The following CNTROB variants were observed in gnomAD, a reference collection of about 807,000 sequenced individuals.
The protein encoded by CNTROB is centrobin.
In CNTROB, 82 loss-of-function variants were observed where a neutral mutation model predicts 115.7. The ratio of observed to expected loss-of-function variants is 0.71; its 90% confidence interval spans 0.59 to 0.85. The LOEUF (loss-of-function observed/expected upper bound fraction) is 0.85. Among genes scored for constraint, CNTROB ranks in the 40% least tolerant of loss-of-function variants. The probability of loss-of-function intolerance (pLI) is 0.00; values close to 1 mark genes in which losing one functional copy is unlikely to be tolerated. For synonymous variants in CNTROB, 439 were observed against 456.4 expected, an observed-to-expected ratio of 0.96 and a Z score of 0.49; for missense variants, 1,014 against 1,144.4, an observed-to-expected ratio of 0.89 and a Z score of 1.64.
chr17:7,949,194 G>A (rs533339892), intron 18 of CNTROB, 37 bp downstream of exon 18: 3 of 1,599,898 alleles, frequency 1.9e-6, no homozygotes, highest in Non-Finnish European at 2.6e-6. Context: ...GGGAGAAAAG[G>A]GCTCTCACTG....
At position 7,944,089 on chromosome 17, in the gene CNTROB, G is replaced by T. The variant is rs769332903; in HGVS notation, c.1446-34G>T. ...CAGTTGGTCACTTCTTCTGTCTCCA[G>T]TCTCAGGCCTCTTCTCCTACCTGTG... is the stretch of plus-strand genomic sequence containing the variant. On this transcript the variant is annotated intron_variant, in intron 10 of 18. Transcript: ENST00000563694. The surrounding 1 kb of genome is among the most constrained non-coding windows in gnomAD (Gnocchi z 4.0). 6.4e-7 allele frequency: 1 copy of T among 1,572,124 alleles called. No individual in the cohort carries two copies. The highest frequency in any genetic ancestry group is 2.2e-5 in the East Asian group (1 of 44,618).
intron 13 of CNTROB, among the ~76,000 whole-genome samples, chr17:7,947,291 C>T (rs889552589): frequency 6.6e-6 from 1 of 152,100 alleles, no homozygotes; most frequent in Admixed American, 6.5e-5. Context: ...TTCCATTCTT[C>T]AGGGAGTTTG....
rs1436847429 is a variant in CNTROB at position 7,943,570 on chromosome 17, A to T, written c.1445+46A>T. 1 of 1,581,318 alleles carries T rather than the reference A, an allele frequency of 6.3e-7. No homozygotes were observed. Among genetic ancestry groups the T allele is most frequent in the Non-Finnish European group, 8.6e-7 (1 of 1,158,664 alleles). ...GTCACTTCTCTCAGCCACAGCACGT[A>T]TCGTTAGTGCCAGGCCTGTGTTCCC... On this transcript the variant is annotated intron_variant, in intron 10 of 18. Coordinates refer to ENST00000563694, the MANE Select transcript of CNTROB (RefSeq NM_053051.5). This position sits in a 1 kb window ranked among gnomAD's most constrained non-coding sequence, Gnocchi z 4.7.
rs374416848 is a variant in CNTROB at position 7,945,717 on chromosome 17, C to G, written c.1735-11C>G. On this transcript the variant is annotated splice_polypyrimidine_tract_variant and intron_variant, in intron 12 of 18. Coordinates refer to ENST00000563694, the MANE Select transcript of CNTROB (RefSeq NM_053051.5). ...TGCTTTGACCCTTCTTTCTGCCTCTCTCCTGGTCAGGCTCCTCCTGCTGGA... is the reference window on the plus strand; with the variant it reads ...TGCTTTGACCCTTCTTTCTGCCTCTGTCCTGGTCAGGCTCCTCCTGCTGGA... The G allele has an allele frequency of 1.7e-5, 28 of 1,612,704 alleles. 1 individual carries two copies. The highest frequency in any genetic ancestry group is 1.8e-5 in the Non-Finnish European group (21 of 1,179,216).
rs986235639 is a variant in CNTROB, at chr17:7,939,412, T to C, written c.928-101T>C. 1 of 987,808 alleles carries C rather than the reference T, an allele frequency of 1.0e-6. No individual in the cohort carries two copies. The highest frequency in any genetic ancestry group is 2.1e-5 in the Admixed American group (1 of 48,546). 61.2% of individuals were successfully genotyped at this position (987,808 alleles called of 1,614,324 possible). On this transcript the variant is annotated intron_variant, in intron 7 of 18. Transcript: ENST00000563694. The surrounding 1 kb of genome is among the most constrained non-coding windows in gnomAD (Gnocchi z 4.4). ...CCCGGCCTAATTATTGTGTTTTTAA[T>C]GAGCATAATTCTCAGCAGGCACCTT...
In CNTROB at chr17:7,948,512, G is replaced by A; in HGVS notation, c.2406G>A (p.Arg802=). 1 of 1,614,078 alleles carries A rather than the reference G, an allele frequency of 6.2e-7. No homozygotes were observed. The highest frequency in any genetic ancestry group is 1.1e-5 in the South Asian group (1 of 91,088). Residue 802 remains arginine (R), a synonymous_variant, in exon 17 of 19, where the codon AGG becomes AGA. Transcript: ENST00000563694. The surrounding 1 kb of genome is among the most constrained non-coding windows in gnomAD (Gnocchi z 4.4). ...ERGGDGLTFP[R]QLMEVSQLLR... ...GTGGAGATGGGCTTACATTCCCAAG[G>A]CAGCTGATGGAGGTGTCTCAACTGT...
chr17:7,939,440 A>G lies in CNTROB; in HGVS notation c.928-73A>G, dbSNP rs1598079696. Reference sequence around the variant, plus strand: ...GCATAATTCTCAGCAGGCACCTTGTATGAGGGTCAGAGGGCAGATCGCTGG... The same window carrying G: ...GCATAATTCTCAGCAGGCACCTTGTGTGAGGGTCAGAGGGCAGATCGCTGG... On this transcript the variant is annotated intron_variant, in intron 7 of 18. Transcript: ENST00000563694. This position sits in a 1 kb window ranked among gnomAD's most constrained non-coding sequence, Gnocchi z 4.4. 3 of 1,253,456 alleles carry G rather than the reference A, an allele frequency of 2.4e-6. No individual in the cohort carries two copies. The highest frequency in any genetic ancestry group is 2.3e-5 in the East Asian group (1 of 42,944). 77.6% of individuals were successfully genotyped at this position (1,253,456 alleles called of 1,614,324 possible).
intron 9 of CNTROB, among the ~76,000 whole-genome samples, chr17:7,941,881 T>C (rs183537677): frequency 8.6e-4 from 130 of 151,360 alleles, no homozygotes; most frequent in Middle Eastern, 3.4e-3. Context: ...GAGGATCAAC[T>C]GAACCCTGGA....
At chr17:7,936,920 C>T (rs1973251017) in intron 6 of CNTROB, 103 bp downstream of exon 6, 11 of 772,984 alleles carry the variant, frequency 1.4e-5, no homozygotes, top group Non-Finnish European at 2.6e-5. Flanking sequence ...AGATTGACCT[C>T]AGTCTTGTAG....
intron 9 of CNTROB, among the ~76,000 whole-genome samples, chr17:7,941,797 G>A (rs1598089921): frequency 2.0e-5 from 3 of 151,256 alleles, no homozygotes; most frequent in South Asian, 2.1e-4. Flanking sequence ...CCTAAACTCT[G>A]CTAAAAATAC....
At position 7,939,655 on chromosome 17, in the gene CNTROB, A is replaced by G. The variant is rs761115592; in HGVS notation, c.1070A>G (p.Glu357Gly). 16 of 1,614,024 alleles carry G rather than the reference A, an allele frequency of 9.9e-6. No homozygotes were observed. The South Asian group carries it at 1.6e-4, about 17-fold the overall frequency. ...GAGACTCTTCGGGCTGCCCTAGAAGAAGAACGGCAGACCTGGGCCCAGCAA... is the reference window on the plus strand; with the variant it reads ...GAGACTCTTCGGGCTGCCCTAGAAGGAGAACGGCAGACCTGGGCCCAGCAA... ...ELETLRAALEEERQTWAQQEH... is the reference protein window; with the variant it reads ...ELETLRAALEGERQTWAQQEH... The change falls in exon 8 of 19, where the codon GAA (glutamate) becomes GGA (glycine). Residue 357 changes from glutamate to glycine, a missense_variant. Transcript: ENST00000563694. The surrounding 1 kb of genome is among the most constrained non-coding windows in gnomAD (Gnocchi z 4.4).
Position 7,936,449 on chromosome 17 carries a change from C to G in CNTROB, c.678C>G (p.Arg226=), listed in dbSNP as rs765068590. 2 of 1,527,290 alleles carry G rather than the reference C, an allele frequency of 1.3e-6. No individual in the cohort carries two copies. Among genetic ancestry groups the G allele is most frequent in the Admixed American group, 3.3e-5 (2 of 59,910 alleles). 94.6% of individuals were successfully genotyped at this position (1,527,290 alleles called of 1,614,324 possible). A position where few individuals can be genotyped will look rare whatever the true frequency, so the allele number is the denominator to read the frequency against. ...QQLAVAVAAD[R]KKDTMIEQLD... The stretch of plus-strand genomic sequence containing the variant: ...TAGCCGTGGCTGTGGCTGCCGACCG[C>G]AAGAAAGATACCATGATTGAACAAC... Residue 226 remains arginine, a synonymous_variant, in exon 5 of 19, where the codon CGC becomes CGG. Transcript: ENST00000563694.
chr17:7,949,673 T>A lies in CNTROB; in HGVS notation c.*163T>A. The A allele has an allele frequency of 3.4e-6, 2 of 594,302 alleles. No homozygotes were observed. Among genetic ancestry groups the A allele is most frequent in the Non-Finnish European group, 5.4e-6 (2 of 367,278 alleles). 36.8% of individuals were successfully genotyped at this position (594,302 alleles called of 1,614,324 possible). Reference sequence around the variant, plus strand: ...CATTTGGTTGAGTACTTTTTTTATATGTTACATGTTTATATGTCATTTCCT... The same window carrying A: ...CATTTGGTTGAGTACTTTTTTTATAAGTTACATGTTTATATGTCATTTCCT... On this transcript the variant is annotated 3_prime_UTR_variant, in exon 19 of 19. Coordinates refer to ENST00000563694, the MANE Select transcript of CNTROB (RefSeq NM_053051.5).
chr17:7,947,641 T>C lies in CNTROB; in HGVS notation c.2064T>C (p.Asp688=), dbSNP rs1208132883. Residue 688 remains aspartate, a synonymous_variant, in exon 14 of 19, where the codon GAT becomes GAC. Coordinates refer to ENST00000563694, the MANE Select transcript of CNTROB (RefSeq NM_053051.5). ...CAGAAAGGCCATTCCCTGAGGAAGATCCTGGACCTGACGGGGAGGGCCTCC... is the reference window on the plus strand; with the variant it reads ...CAGAAAGGCCATTCCCTGAGGAAGACCCTGGACCTGACGGGGAGGGCCTCC... ...HRAERPFPEE[D]PGPDGEGLLK... is the part of the protein sequence containing the mutation. 6.2e-7 allele frequency: 1 copy of C among 1,613,882 alleles called. No homozygotes were observed. The highest frequency in any genetic ancestry group is 8.5e-7 in the Non-Finnish European group (1 of 1,179,868).
intron 3 of CNTROB, 111 bp downstream of exon 3, chr17:7,934,657 T>A (rs1972930738): frequency 4.3e-6 from 4 of 936,640 alleles, no homozygotes; most frequent in Non-Finnish European, 5.1e-6. Flanking sequence ...CCCAAGAGGC[T>A]TATCACTTGC....
rs1429008018 is a variant in CNTROB, at chr17:7,933,138, AT to A, written c.61del (p.Ser21HisfsTer14). 6.2e-7 allele frequency: 1 copy of A among 1,614,164 alleles called. No individual in the cohort carries two copies. Among genetic ancestry groups the A allele is most frequent in the Non-Finnish European group, 8.5e-7 (1 of 1,180,024 alleles). The part of the protein sequence containing the change: ...SPLGAEDLLS[D>X]SSEPPGLNQV... ...CTCGGGGCGGAGGATCTCCTGAGTG[AT>A]TCATCAGAACCCCCTGGGCTCAACC... On this transcript the variant is annotated frameshift_variant, in exon 1 of 19. Coordinates refer to ENST00000563694, the MANE Select transcript of CNTROB (RefSeq NM_053051.5). LOFTEE classifies it high-confidence loss of function.
At chr17:7,938,589 A>G (rs1446877441) in intron 7 of CNTROB, among the ~76,000 whole-genome samples, 1 of 152,122 alleles carries the variant, frequency 6.6e-6, no homozygotes, top group African/African-American at 2.4e-5. Flanking sequence ...TGCCTTACAT[A>G]TGCTTTTTAC....
chr17:7,941,522 C>T (rs1324220290), intron 9 of CNTROB, among the ~76,000 whole-genome samples: 3 of 150,768 alleles, frequency 2.0e-5, no homozygotes, highest in African/African-American at 4.9e-5. Flanking sequence ...TCGCTTGAAC[C>T]CGGGAGGTGG....
chr17:7,945,345 A>C (rs925045098), intron 12 of CNTROB: 1 of 152,440 alleles, frequency 6.6e-6, no homozygotes, highest in Admixed American at 6.5e-5. Context: ...TCTCAAAAAA[A>C]GAAAAAGAAG....
Sources: allele counts gnomAD v4.1 joint callset (sites outside exome capture counted in the v4.1 genomes callset), GRCh38; gene constraint gnomAD v4.1.1; non-coding constraint Gnocchi (gnomAD v3.1); transcripts MANE v1.5; gene names NCBI Gene and HGNC (gene_info 2026-07-23, HGNC 2026-07-21).